Variants in PPP2R3A observed in about 807,000 individuals in gnomAD.
PPP2R3A encodes serine/threonine-protein phosphatase 2A regulatory subunit B'' subunit alpha.
A neutral mutation model predicts 106.9 loss-of-function variants in PPP2R3A; 80 were observed. The ratio of observed to expected loss-of-function variants is 0.75; its 90% CI spans 0.62 to 0.90. The LOEUF is 0.90. Ranked by LOEUF, PPP2R3A falls within the 40% of genes least tolerant of loss-of-function variation. PPP2R3A has a pLI of 0.00. For missense variants in PPP2R3A, 1,386 were observed against 1,350.4 expected (o/e 1.03, Z -0.41); for synonymous variants, 483 against 468.3 (o/e 1.03, Z -0.41).
At position 136,046,220 on chromosome 3, in the gene PPP2R3A, G is replaced by A. The variant is rs955915009; in HGVS notation, c.2367-3039G>A. On this transcript the variant is annotated intron_variant, in intron 4 of 13. Transcript: ENST00000264977. Reference sequence around the variant, plus strand: ...TAATCCCAGCACGTTGGGAGGCCGAGGCAGGTGGATCACCTGAGGGTCAGG... The same window carrying A: ...TAATCCCAGCACGTTGGGAGGCCGAAGCAGGTGGATCACCTGAGGGTCAGG... Among the ~76,000 whole-genome samples the A allele has an allele frequency of 4.6e-5, 7 of 152,136 alleles. No individual in the cohort carries two copies. In the East Asian group the frequency reaches 1.3e-3, roughly 29 times the overall value.
At chr3:136,035,451 T>A (rs967941987) in intron 3 of PPP2R3A, among the ~76,000 whole-genome samples, 1 of 152,234 alleles carries the variant, frequency 6.6e-6, no homozygotes, top group Admixed American at 6.5e-5. Context: ...AGCATTTGTT[T>A]TTCGGAAAAA....
At position 136,001,157 on chromosome 3, in the gene PPP2R3A, A is replaced by G; in HGVS notation, c.-342A>G. On this transcript the variant is annotated 5_prime_UTR_variant, in exon 2 of 14. Coordinates refer to ENST00000264977, the MANE Select transcript of PPP2R3A (RefSeq NM_002718.5). ...TACCAACTAAGATTTATGATAGTAA[A>G]TTTATGAGAGCAAATTTCCATGTTA... is the stretch of plus-strand genomic sequence containing the variant. The G allele has an allele frequency of 2.4e-6, 1 of 410,190 alleles. No homozygotes were observed. 25.4% of individuals were successfully genotyped at this position (410,190 alleles called of 1,614,324 possible).
chr3:136,076,840 G>A (rs1936613411), intron 6 of PPP2R3A, among the ~76,000 whole-genome samples: 1 of 152,078 alleles, frequency 6.6e-6, no homozygotes, highest in African/African-American at 2.4e-5. Context: ...CCAGCTACTT[G>A]GGAGGCTGAG....
At position 136,106,245 on chromosome 3, in the gene PPP2R3A, A is replaced by G; in HGVS notation, c.3252A>G (p.Ser1084=). The change falls in exon 13 of 14, where the codon TCA becomes TCG. Residue 1084 remains serine (S), a synonymous_variant. Transcript: ENST00000264977. ...KDVENDGPEP[S]DWDRFAAEEY... Reference sequence around the variant, plus strand: ...TTGAGAACGATGGGCCTGAGCCCTCAGACTGGGACCGGTTTGCCGCTGAGG... The same window carrying G: ...TTGAGAACGATGGGCCTGAGCCCTCGGACTGGGACCGGTTTGCCGCTGAGG... 6.2e-7 allele frequency: 1 copy of G among 1,609,356 alleles called. No individual in the cohort carries two copies. Among genetic ancestry groups the G allele is most frequent in the Non-Finnish European group, 8.5e-7 (1 of 1,179,006 alleles).
At chr3:136,105,123 A>G (rs1048956944) in intron 12 of PPP2R3A, among the ~76,000 whole-genome samples, 5 of 152,178 alleles carry the variant, frequency 3.3e-5, no homozygotes, top group Non-Finnish European at 7.3e-5. Flanking sequence ...AAAGGAAGTG[A>G]TATGGAGAGA....
intron 5 of PPP2R3A, among the ~76,000 whole-genome samples, chr3:136,051,375 G>A (rs754746067): frequency 2.9e-4 from 44 of 152,182 alleles, no homozygotes; most frequent in Non-Finnish European, 4.6e-4. Context: ...TGTCGCCCAG[G>A]CTGGAGTGCA....
At chr3:136,077,051 G>A (rs1418149199) in intron 6 of PPP2R3A, among the ~76,000 whole-genome samples, 1 of 152,122 alleles carries the variant, frequency 6.6e-6, no homozygotes, top group African/African-American at 2.4e-5. Flanking sequence ...GTGCACCAGC[G>A]TTTGGAATGT....
chr3:136,073,168 C>A (rs6799517), intron 6 of PPP2R3A, among the ~76,000 whole-genome samples: 29,594 of 152,066 alleles, frequency 0.19, 3,302 homozygotes, highest in Non-Finnish European at 0.26. Flanking sequence ...GGGGTTTCAC[C>A]ATGTTAGCCA....
intron 3 of PPP2R3A, 34 bp from the exon 4 acceptor site, chr3:136,040,825 G>A: frequency 6.6e-7 from 1 of 1,514,108 alleles, no homozygotes. Flanking sequence ...TTCATTCCCT[G>A]TTGGCTTACC....
intron 5 of PPP2R3A, among the ~76,000 whole-genome samples, chr3:136,063,217 T>G (rs984232922): frequency 9.9e-5 from 15 of 152,186 alleles, no homozygotes; most frequent in African/African-American, 3.6e-4. Flanking sequence ...TGGCTAGCCA[T>G]ATGTAGAAAG....
intron 5 of PPP2R3A, among the ~76,000 whole-genome samples, chr3:136,053,621 G>A (rs186540318): frequency 2.0e-5 from 3 of 152,334 alleles, no homozygotes; most frequent in Admixed American, 1.3e-4. Flanking sequence ...TTATTCACAA[G>A]CATAAACACA....
At chr3:136,134,000 G>A (rs1458144042) in intron 13 of PPP2R3A, among the ~76,000 whole-genome samples, 1 of 151,344 alleles carries the variant, frequency 6.6e-6, no homozygotes, top group Non-Finnish European at 1.5e-5. Context: ...AAAAGCAAGA[G>A]CCAAAAAACT....
At chr3:136,089,619 T>C (rs1424678710) in intron 9 of PPP2R3A, among the ~76,000 whole-genome samples, 8 of 150,424 alleles carry the variant, frequency 5.3e-5, no homozygotes, top group Middle Eastern at 3.4e-3. Flanking sequence ...TTTTTTTTTC[T>C]TAAAAAAAAA....
At chr3:136,013,697 G>T (rs1576434649) in intron 2 of PPP2R3A, among the ~76,000 whole-genome samples, 1 of 151,916 alleles carries the variant, frequency 6.6e-6, no homozygotes, top group East Asian at 1.9e-4. Context: ...CTTTCTGATG[G>T]GATTGTTTGG....
chr3:136,043,228 G>A (rs531576594), intron 4 of PPP2R3A, among the ~76,000 whole-genome samples: 2 of 152,236 alleles, frequency 1.3e-5, no homozygotes, highest in African/African-American at 4.8e-5. Flanking sequence ...GGGAGGCCAA[G>A]GTGGGCAGAT....
At chr3:135,996,073 C>T (rs1411225885) in intron 1 of PPP2R3A, among the ~76,000 whole-genome samples, 1 of 152,136 alleles carries the variant, frequency 6.6e-6, no homozygotes, top group African/African-American at 2.4e-5. Context: ...CAATAAATGA[C>T]AACCATGTCA....
At position 136,022,781 on chromosome 3, in the gene PPP2R3A, C is replaced by T. The variant is rs879204290; in HGVS notation, c.1996-4051C>T. The T allele has an allele frequency of 3.4e-5, 40 of 1,174,670 alleles. No individual in the cohort carries two copies. In the South Asian group the frequency reaches 8.0e-4, roughly 24 times the overall value. 72.8% of individuals were successfully genotyped at this position (1,174,670 alleles called of 1,614,324 possible). A position where few individuals can be genotyped will look rare whatever the true frequency, so the allele number is the denominator to read the frequency against. ...TCTCAACATGTGCAGGTCAATTTGACATAAAGCTACCAACAAGGAGCAACA... is the reference window on the plus strand; with the variant it reads ...TCTCAACATGTGCAGGTCAATTTGATATAAAGCTACCAACAAGGAGCAACA... On this transcript the variant is annotated intron_variant, in intron 2 of 13. Coordinates refer to ENST00000264977, the MANE Select transcript of PPP2R3A (RefSeq NM_002718.5).
chr3:136,115,721 A>G (rs1349884467), intron 13 of PPP2R3A, among the ~76,000 whole-genome samples: 1 of 152,052 alleles, frequency 6.6e-6, no homozygotes, highest in Admixed American at 6.6e-5. Flanking sequence ...GAACGAACAA[A>G]GTCTCCAAGA....
At chr3:135,983,983 A>G (rs1468645006) in intron 1 of PPP2R3A, among the ~76,000 whole-genome samples, 1 of 152,152 alleles carries the variant, frequency 6.6e-6, no homozygotes, top group East Asian at 1.9e-4. Context: ...TATGTGTCAC[A>G]GTTTATTAGT....
Sources: allele counts gnomAD v4.1 joint callset (sites outside exome capture counted in the v4.1 genomes callset), GRCh38; gene constraint gnomAD v4.1.1; transcripts MANE v1.5; gene names NCBI Gene and HGNC (gene_info 2026-07-23, HGNC 2026-07-21).